The following CYP19A1 variants were observed in gnomAD, a reference collection of about 807,000 sequenced individuals.
CYP19A1 encodes aromatase.
Under a neutral mutation model 44.4 loss-of-function variants are expected in CYP19A1, and 32 were observed. That is an observed-to-expected ratio of 0.72 (90% CI 0.54 to 0.97). CYP19A1 has a LOEUF of 0.97. Among genes scored for constraint, CYP19A1 ranks in the 50% least tolerant of loss-of-function variants. The pLI is 0.00. For missense variants in CYP19A1, 598 were observed against 637.8 expected, an observed-to-expected ratio of 0.94 and a Z score of 0.67; for synonymous variants, 212 against 215.6, an observed-to-expected ratio of 0.98 and a Z score of 0.14.
intron 1 of CYP19A1, among the ~76,000 whole-genome samples, chr15:51,273,818 C>G (rs557463426): frequency 1.2e-3 from 178 of 152,236 alleles, no homozygotes; most frequent in African/African-American, 4.1e-3. Context: ...ATAGCCTGGC[C>G]AACATAGCAA....
At chr15:51,280,977 T>C (rs778794127) in intron 1 of CYP19A1, among the ~76,000 whole-genome samples, 3 of 152,166 alleles carry the variant, frequency 2.0e-5, no homozygotes, top group Non-Finnish European at 4.4e-5. Flanking sequence ...CTCTGTGGAA[T>C]TGACTGCCAC....
At chr15:51,311,850 TG>T (rs2036317295) in intron 1 of CYP19A1, among the ~76,000 whole-genome samples, 1 of 152,188 alleles carries the variant, frequency 6.6e-6, no homozygotes, top group African/African-American at 2.4e-5. Context: ...TCTTTCTGCC[TG>T]GGCCTCAGTT....
chr15:51,274,438 G>A (rs980511078), intron 1 of CYP19A1, among the ~76,000 whole-genome samples: 5 of 152,214 alleles, frequency 3.3e-5, no homozygotes, highest in African/African-American at 1.2e-4. Context: ...CCTCTTGGGA[G>A]CGTTATTCCC....
Position 51,211,019 on chromosome 15 carries a change from G to C in CYP19A1, c.1301C>G (p.Pro434Arg). 1 of 1,590,850 alleles carries C rather than the reference G, an allele frequency of 6.3e-7. No individual in the cohort carries two copies. The highest frequency in any genetic ancestry group is 8.6e-7 in the Non-Finnish European group (1 of 1,158,824). ...GATGTACTTTCCTGCACAGCCACGG[G>C]GCCCAAAGCCAAATGGCTGAAAGTA... ...YRYFQPFGFG[P>R]RGCAGKYIAM... Residue 434 changes from proline (P) to arginine (R), a missense_variant, in exon 10 of 10, where the codon CCC becomes CGC. Transcript: ENST00000396402.
chr15:51,263,395 G>T (rs1315655895), intron 1 of CYP19A1, among the ~76,000 whole-genome samples: 8 of 152,228 alleles, frequency 5.3e-5, no homozygotes, highest in Non-Finnish European at 1.0e-4. Flanking sequence ...AGGAGATAAA[G>T]TAGAGGCAGT....
chr15:51,243,160 T>C (rs548176716), intron 1 of CYP19A1: 3 of 487,048 alleles, frequency 6.2e-6, no homozygotes, highest in African/African-American at 1.9e-5. Flanking sequence ...TTTCTGACCT[T>C]GGTAGAGTCT....
At chr15:51,333,703 C>G (rs761350714) in intron 1 of CYP19A1, among the ~76,000 whole-genome samples, 9 of 152,158 alleles carry the variant, frequency 5.9e-5, no homozygotes, top group Non-Finnish European at 1.0e-4. Flanking sequence ...AAAAGGTAAG[C>G]TTCTCTTAGC....
In CYP19A1 at chr15:51,305,384, C is replaced by T. The variant is rs114130724; in HGVS notation, c.-39+33111G>A. On this transcript the variant is annotated intron_variant, in intron 1 of 9. Transcript: ENST00000396402. ...AGTGGTCATAACGTTATGATTGTCT[C>T]AAAACTAAATGCAGATAATATGACC... 2.9e-3 allele frequency among the ~76,000 whole-genome samples: 448 copies of T among 152,150 alleles called. 3 individuals carry two copies. The highest frequency in any genetic ancestry group is 0.01 in the African/African-American group (417 of 41,486).
intron 1 of CYP19A1, among the ~76,000 whole-genome samples, chr15:51,331,039 A>G (rs999934313): frequency 6.6e-6 from 1 of 152,094 alleles, no homozygotes; most frequent in African/African-American, 2.4e-5. Flanking sequence ...TGGGAAGAAT[A>G]AGGTTGTTTT....
At chr15:51,336,607 A>G (rs2036779301) in intron 1 of CYP19A1, among the ~76,000 whole-genome samples, 1 of 152,190 alleles carries the variant, frequency 6.6e-6, no homozygotes, top group African/African-American at 2.4e-5. Flanking sequence ...CAGGCCAGGA[A>G]AATTATTTAC....
intron 4 of CYP19A1, among the ~76,000 whole-genome samples, chr15:51,224,813 C>T (rs913240647): frequency 6.6e-6 from 1 of 152,204 alleles, no homozygotes; most frequent in African/African-American, 2.4e-5. Context: ...TGATCTGGCC[C>T]TGCCCTCCCC....
chr15:51,237,849 G>A (rs914662421), intron 2 of CYP19A1, among the ~76,000 whole-genome samples: 2 of 152,216 alleles, frequency 1.3e-5, no homozygotes, highest in Non-Finnish European at 2.9e-5. Context: ...TTGGTAAAAC[G>A]TTAGATTAAA....
At chr15:51,247,652 A>C (rs2034123011) in intron 1 of CYP19A1, among the ~76,000 whole-genome samples, 1 of 152,038 alleles carries the variant, frequency 6.6e-6, no homozygotes, top group Admixed American at 6.6e-5. Context: ...TTGTATTTTT[A>C]GTAGGGAGGA....
intron 1 of CYP19A1, among the ~76,000 whole-genome samples, chr15:51,299,478 C>A (rs1410815805): frequency 1.3e-5 from 2 of 152,180 alleles, no homozygotes; most frequent in Admixed American, 6.5e-5. Flanking sequence ...GCTCTTAGAG[C>A]TGTTTCCAGC....
At chr15:51,259,783 G>A (rs1393710191) in intron 1 of CYP19A1, among the ~76,000 whole-genome samples, 1 of 152,132 alleles carries the variant, frequency 6.6e-6, no homozygotes, top group Admixed American at 6.5e-5. Flanking sequence ...GTATGAGTGG[G>A]CAGAGAAAAG....
At chr15:51,277,745 T>TA (rs2035364759) in intron 1 of CYP19A1, among the ~76,000 whole-genome samples, 1 of 152,098 alleles carries the variant, frequency 6.6e-6, no homozygotes, top group East Asian at 1.9e-4. Context: ...CTGAAACAGA[T>TA]AGATTGTTCC....
intron 1 of CYP19A1, among the ~76,000 whole-genome samples, chr15:51,301,263 AC>A (rs2036105518): frequency 6.6e-6 from 1 of 152,188 alleles, no homozygotes; most frequent in Non-Finnish European, 1.5e-5. Flanking sequence ...TCTCTCTGAT[AC>A]CCTGAGATTC....
At chr15:51,238,592 G>T (rs912423694) in intron 2 of CYP19A1, among the ~76,000 whole-genome samples, 1 of 152,098 alleles carries the variant, frequency 6.6e-6, no homozygotes, top group Admixed American at 6.6e-5. Flanking sequence ...GGGTTCAAGC[G>T]ATTCTTTTGC....
intron 2 of CYP19A1, among the ~76,000 whole-genome samples, chr15:51,240,991 C>T (rs1295999758): frequency 6.6e-6 from 1 of 152,192 alleles, no homozygotes; most frequent in Non-Finnish European, 1.5e-5. Context: ...ACCTTGGCTG[C>T]TCATAAAAAA....
Sources: gnomAD v4.1 joint callset for allele counts (sites outside exome capture counted in the v4.1 genomes callset) on GRCh38, gnomAD v4.1.1 for gene constraint, MANE v1.5 for transcripts, NCBI Gene and HGNC (gene_info 2026-07-23, HGNC 2026-07-21) for gene names.